PCGF3: variants seen among roughly 807,000 people sequenced by gnomAD.
The protein encoded by PCGF3 is polycomb group ring finger 3.
PCGF3 carries 7 observed loss-of-function variants against 33.1 expected under a neutral mutation model. The observed-to-expected ratio is 0.21, with a 90% confidence interval of 0.12 to 0.40. The LOEUF is 0.40. Among genes scored for constraint, PCGF3 ranks in the 10% least tolerant of loss-of-function variants. The probability of loss-of-function intolerance (pLI) is 1.00; values close to 1 mark genes in which losing one functional copy is unlikely to be tolerated. For synonymous variants in PCGF3, 153 were observed against 121.3 expected (o/e 1.26, Z -1.72); for missense variants, 211 against 313.3 (o/e 0.67, Z 2.46).
At chr4:744,472 C>A in intron 7 of PCGF3, 128 bp from the exon 8 acceptor site, 1 of 710,664 alleles carries the variant, frequency 1.4e-6, no homozygotes, top group Non-Finnish European at 2.4e-6. Context: ...TTGACGCTTA[C>A]TCCGCTCCGG....
At chr4:726,839 C>G (rs960251837) in intron 1 of PCGF3, among the ~76,000 whole-genome samples, 1 of 152,162 alleles carries the variant, frequency 6.6e-6, no homozygotes, top group Non-Finnish European at 1.5e-5. Context: ...ACTTTTCACC[C>G]CCTGTCCAGT....
chr4:753,554 A>G (rs1389068271), intron 8 of PCGF3, among the ~76,000 whole-genome samples: 3 of 151,950 alleles, frequency 2.0e-5, no homozygotes, highest in Non-Finnish European at 4.4e-5. Flanking sequence ...GAGGCAGGAT[A>G]ATGGCGTAAA....
At position 762,991 on chromosome 4, in the gene PCGF3, C is replaced by T. The variant is rs528478117; in HGVS notation, c.600+1575C>T. On this transcript the variant is annotated intron_variant, in intron 9 of 10. Transcript: ENST00000362003. ...CAGGCTGGCGTAGCTGCTGTGGTGG[C>T]ACAGAGCAGAGGCTGTCAGGTCATG... Among the ~76,000 whole-genome samples, 28 of 151,866 alleles carry T rather than the reference C, an allele frequency of 1.8e-4. 1 individual carries two copies. The South Asian group carries it at 5.8e-3, about 32-fold the overall frequency.
intron 10 of PCGF3, among the ~76,000 whole-genome samples, chr4:765,359 G>A (rs540307749): frequency 1.3e-5 from 2 of 152,244 alleles, no homozygotes; most frequent in South Asian, 4.1e-4. Context: ...TGTGAACCCG[G>A]GAGACGAAGC....
At chr4:740,023 T>A (rs1299332868) in intron 6 of PCGF3, among the ~76,000 whole-genome samples, 1 of 152,184 alleles carries the variant, frequency 6.6e-6, no homozygotes, top group Non-Finnish European at 1.5e-5. Flanking sequence ...ATTCTAACTT[T>A]AAAACTATTA....
At chr4:753,105 A>C (rs1744599341) in intron 8 of PCGF3, among the ~76,000 whole-genome samples, 1 of 152,252 alleles carries the variant, frequency 6.6e-6, no homozygotes, top group African/African-American at 2.4e-5. Flanking sequence ...CAGGTGGCCC[A>C]GGAGAGGGCA....
At position 744,750 on chromosome 4, in the gene PCGF3, G is replaced by A. The variant is rs1477691281; in HGVS notation, c.462+62G>A. 94 of 402,022 alleles carry A rather than the reference G, an allele frequency of 2.3e-4. 1 individual carries two copies. The highest frequency in any genetic ancestry group is 3.9e-4 in the Non-Finnish European group (87 of 222,196). 24.9% of individuals were successfully genotyped at this position (402,022 alleles called of 1,614,324 possible). A position where few individuals can be genotyped will look rare whatever the true frequency, so the allele number is the denominator to read the frequency against. On this transcript the variant is annotated intron_variant, in intron 8 of 10. Transcript: ENST00000362003. The stretch of plus-strand genomic sequence containing the variant: ...TCGCCGTGGAGGCGTGAGCAGGTGG[G>A]CGGGGCCCGGGGGTCGCTGCAGTGT...
chr4:721,382 G>A lies in PCGF3; in HGVS notation c.-189-9248G>A, dbSNP rs1368317645. On this transcript the variant is annotated intron_variant, in intron 1 of 10. Transcript: ENST00000362003. This position sits in a 1 kb window ranked among gnomAD's most constrained non-coding sequence, Gnocchi z 4.1. ...CAGAAGAAAATGTGCCCCAGGCATGGGCTTGTGATGCCGGCTCTTCCTCCT... is the reference window on the plus strand; with the variant it reads ...CAGAAGAAAATGTGCCCCAGGCATGAGCTTGTGATGCCGGCTCTTCCTCCT... 6.6e-6 allele frequency among the ~76,000 whole-genome samples: 1 copy of A among 152,024 alleles called. No homozygotes were observed. The highest frequency in any genetic ancestry group is 1.5e-5 in the Non-Finnish European group (1 of 68,006).
rs1193098737 is a variant in PCGF3 at position 721,788 on chromosome 4, GTA to G, written c.-189-8840_-189-8839del. Among the ~76,000 whole-genome samples the G allele has an allele frequency of 3.7e-4, 41 of 110,700 alleles. No individual in the cohort carries two copies. Among genetic ancestry groups the G allele is most frequent in the African/African-American group, 1.0e-3 (37 of 35,998 alleles). 72.6% of individuals were successfully genotyped at this position (110,700 alleles called of 152,430 possible). On this transcript the variant is annotated intron_variant, in intron 1 of 10. Coordinates refer to ENST00000362003, the Ensembl canonical transcript of PCGF3. This position sits in a 1 kb window ranked among gnomAD's most constrained non-coding sequence, Gnocchi z 4.1. ...AGGTGGATGGGTTGGGTGGCTCTGT[GTA>G]TGGGCATGGGGAGGGGCCTGTGGGA...
chr4:732,810 G>C (rs1269798721), intron 3 of PCGF3, among the ~76,000 whole-genome samples: 3 of 152,228 alleles, frequency 2.0e-5, no homozygotes, highest in African/African-American at 7.2e-5. Flanking sequence ...CAGTAGTGGG[G>C]TGCACCTGGC....
rs868830697 is a variant in PCGF3, at chr4:759,877, C to T, written c.463-1402C>T. On this transcript the variant is annotated intron_variant, in intron 8 of 10. Transcript: ENST00000362003. ...CCCCTCTCCCGAGTTGTTCTCCTTC[C>T]GGACTCCGGGTCTTTCTCCCCGCGC... 6.5e-3 allele frequency among the ~76,000 whole-genome samples: 747 copies of T among 114,108 alleles called. 7 individuals are homozygous for T. Among genetic ancestry groups the T allele is most frequent in the African/African-American group, 0.024 (715 of 29,356 alleles). The allele number at this position is 114,108 out of a possible 152,430, so 74.9% of individuals were successfully genotyped here.
rs145869671 is a variant in PCGF3 at position 733,859 on chromosome 4, C to T, written c.109+70C>T. On this transcript the variant is annotated intron_variant, in intron 4 of 10. Transcript: ENST00000362003. The stretch of plus-strand genomic sequence containing the variant: ...AGCTCTGTGCTCTTCAGAACCTTGG[C>T]TTTTGTGTTACCACACGCTTTTAGC... The T allele has an allele frequency of 1.5e-4, 241 of 1,611,916 alleles. No individual in the cohort carries two copies. The East Asian group carries it at 5.0e-3, about 34-fold the overall frequency.
Position 764,974 on chromosome 4 carries a change from T to C in PCGF3, c.601-10T>C. 6.2e-7 allele frequency: 1 copy of C among 1,611,368 alleles called. No individual in the cohort carries two copies. The highest frequency in any genetic ancestry group is 8.5e-7 in the Non-Finnish European group (1 of 1,177,548). ...CTCTCCGCTGCTAATCAAACCTCCT[T>C]ATCCCCCAGCTGGACATTTTATGCA... is the stretch of plus-strand genomic sequence containing the variant. On this transcript the variant is annotated splice_polypyrimidine_tract_variant and intron_variant, in intron 9 of 10. Transcript: ENST00000362003.
At chr4:711,447 TTTTTTTC>T (rs960471340) in intron 1 of PCGF3, among the ~76,000 whole-genome samples, 8 of 91,496 alleles carry the variant, frequency 8.7e-5, no homozygotes, top group Non-Finnish European at 1.1e-4. Flanking sequence ...ATTTTTCTTT[TTTTTTTC>T]TTTTTTTTTT....
At chr4:709,175 G>T (rs1215917234) in intron 1 of PCGF3, among the ~76,000 whole-genome samples, 1 of 152,188 alleles carries the variant, frequency 6.6e-6, no homozygotes, top group Non-Finnish European at 1.5e-5. Flanking sequence ...TGGCTGCTTG[G>T]TGTGCCGTAC....
chr4:705,885 G>T (rs561099697), exon 1 of PCGF3: 3 of 152,198 alleles, frequency 2.0e-5, no homozygotes, highest in East Asian at 1.9e-4. Context: ...CTCCTCTTGG[G>T]GGGGACCCAG....
At chr4:736,350 C>T (rs13110907) in intron 5 of PCGF3, among the ~76,000 whole-genome samples, 140,405 of 152,290 alleles carry the variant, frequency 0.92, 64,777 homozygotes, top group African/African-American at 0.95. Flanking sequence ...ACCCGGCCCT[C>T]ACAGACTTTT....
intron 1 of PCGF3, among the ~76,000 whole-genome samples, chr4:715,029 A>C (rs1315126654): frequency 5.4e-5 from 8 of 148,330 alleles, no homozygotes; most frequent in African/African-American, 2.0e-4. Flanking sequence ...GAGTGTGAGA[A>C]CTGGGCGTCG....
intron 8 of PCGF3, chr4:757,478 C>T (rs1264183769): frequency 6.6e-6 from 1 of 152,282 alleles, no homozygotes; most frequent in Non-Finnish European, 1.5e-5. Context: ...GCTTCTTCCT[C>T]ATTAAGCTCT....
Sources: gnomAD v4.1 joint callset for allele counts (sites outside exome capture counted in the v4.1 genomes callset) on GRCh38, gnomAD v4.1.1 for gene constraint, Gnocchi (gnomAD v3.1) non-coding constraint, MANE v1.5 for transcripts, NCBI Gene and HGNC (gene_info 2026-07-23, HGNC 2026-07-21) for gene names.